The following NKAIN3 variants were observed in gnomAD, a reference collection of about 807,000 sequenced individuals.
NKAIN3 encodes sodium/potassium-transporting ATPase subunit beta-1-interacting protein 3.
Under a neutral mutation model 30.2 loss-of-function variants are expected in NKAIN3, and 25 were observed. That is an observed-to-expected ratio of 0.83 (90% CI 0.60 to 1.16). NKAIN3 has a LOEUF of 1.16. Ranked by LOEUF, NKAIN3 falls within the 50% of genes most tolerant of loss-of-function variation. NKAIN3 has a pLI of 0.00. For missense variants in NKAIN3, 225 were observed against 254.1 expected (o/e 0.89, Z 0.78); for synonymous variants, 91 against 89.6 (o/e 1.02, Z -0.09).
intron 3 of NKAIN3, among the ~76,000 whole-genome samples, chr8:62,734,807 C>T (rs1815596231): frequency 1.3e-5 from 2 of 152,140 alleles, no homozygotes; most frequent in East Asian, 1.9e-4. Flanking sequence ...CTAAGAGTCA[C>T]GTTATCATCT....
intron 1 of NKAIN3, among the ~76,000 whole-genome samples, chr8:62,543,949 A>G (rs1054749182): frequency 2.0e-5 from 3 of 152,292 alleles, no homozygotes; most frequent in Admixed American, 1.3e-4. Context: ...TGTCAAAGAC[A>G]TTATCTAGAG....
At chr8:62,935,481 T>G (rs1488971367) in intron 5 of NKAIN3, among the ~76,000 whole-genome samples, 1 of 152,098 alleles carries the variant, frequency 6.6e-6, no homozygotes, top group Non-Finnish European at 1.5e-5. Flanking sequence ...AACTACAATT[T>G]TTTTTTCCCA....
At chr8:62,335,757 G>T (rs896431644) in intron 1 of NKAIN3, among the ~76,000 whole-genome samples, 8 of 151,934 alleles carry the variant, frequency 5.3e-5, no homozygotes, top group Non-Finnish European at 1.2e-4. Flanking sequence ...GGAAACTATT[G>T]CCCTGGCTCT....
At chr8:62,398,669 T>G (rs1258288973) in intron 1 of NKAIN3, among the ~76,000 whole-genome samples, 1 of 152,244 alleles carries the variant, frequency 6.6e-6, no homozygotes, top group East Asian at 1.9e-4. Context: ...AGCAATAAAC[T>G]GTAGCGTGTT....
chr8:62,814,425 T>C (rs1408063812), intron 4 of NKAIN3, among the ~76,000 whole-genome samples: 1 of 151,944 alleles, frequency 6.6e-6, no homozygotes, highest in African/African-American at 2.4e-5. Flanking sequence ...CAACAGAATA[T>C]ACATTTTTTT....
At chr8:62,469,237 A>C (rs1030714170) in intron 1 of NKAIN3, among the ~76,000 whole-genome samples, 1 of 152,210 alleles carries the variant, frequency 6.6e-6, no homozygotes, top group African/African-American at 2.4e-5. Context: ...ATCTTGAATA[A>C]TAATGGCAAT....
At chr8:62,997,116 T>C (rs896750773) in intron 5 of NKAIN3, among the ~76,000 whole-genome samples, 1 of 152,242 alleles carries the variant, frequency 6.6e-6, no homozygotes, top group Non-Finnish European at 1.5e-5. Flanking sequence ...TCCCTGAGGC[T>C]GTCTTATGAA....
At chr8:62,993,189 A>G (rs1804004471) in intron 5 of NKAIN3, among the ~76,000 whole-genome samples, 1 of 152,182 alleles carries the variant, frequency 6.6e-6, no homozygotes, top group Admixed American at 6.6e-5. Context: ...ACATAATCAT[A>G]GTATCCCACC....
At position 62,808,403 on chromosome 8, in the gene NKAIN3, G is replaced by A. The variant is rs116152108; in HGVS notation, c.471+61274G>A. On this transcript the variant is annotated intron_variant, in intron 4 of 6. Coordinates refer to ENST00000623646, the MANE Select transcript of NKAIN3 (RefSeq NM_001304533.3). ...ATTTTCTTCAGTGCATCATCATCTG[G>A]TGTCTATTGTTGCTGTCTGATGTTA... Among the ~76,000 whole-genome samples the A allele has an allele frequency of 5.3e-3, 812 of 152,196 alleles. 3 individuals carry two copies. Among genetic ancestry groups the A allele is most frequent in the African/African-American group, 0.018 (751 of 41,520 alleles).
intron 4 of NKAIN3, among the ~76,000 whole-genome samples, chr8:62,873,665 T>C (rs548759942): frequency 2.0e-5 from 3 of 151,516 alleles, no homozygotes; most frequent in African/African-American, 7.3e-5. Flanking sequence ...AAATTAGAAC[T>C]CAGGAATAAG....
chr8:62,598,642 C>T (rs1205230083), intron 3 of NKAIN3, among the ~76,000 whole-genome samples: 1 of 151,996 alleles, frequency 6.6e-6, no homozygotes, highest in African/African-American at 2.4e-5. Context: ...CTTAGACCCT[C>T]CCTCTGTGTC....
intron 1 of NKAIN3, among the ~76,000 whole-genome samples, chr8:62,497,443 T>TA (rs397700889): frequency 3.3e-5 from 5 of 151,694 alleles, no homozygotes; most frequent in Non-Finnish European, 7.4e-5. Context: ...TTTTTTTTTT[T>TA]ATCAAGCCCA....
rs975506885 is a variant in NKAIN3 at position 62,475,289 on chromosome 8, A to T, written c.55-104250A>T. 1.3e-4 allele frequency among the ~76,000 whole-genome samples: 20 copies of T among 152,220 alleles called. 1 individual carries two copies. ...CTGACACATGTTAAGTCTTCATGAT[A>T]TTAATTATTACTATCTCTATCTTTG... On this transcript the variant is annotated intron_variant, in intron 1 of 6. Coordinates refer to ENST00000623646, the MANE Select transcript of NKAIN3 (RefSeq NM_001304533.3).
rs117377550 is a variant in NKAIN3, at chr8:62,921,928, C to T, written c.532+3415C>T. 4.5e-4 allele frequency among the ~76,000 whole-genome samples: 69 copies of T among 152,230 alleles called. No homozygotes were observed. The East Asian group carries it at 0.01, about 23-fold the overall frequency. On this transcript the variant is annotated intron_variant, in intron 5 of 6. Coordinates refer to ENST00000623646, the MANE Select transcript of NKAIN3 (RefSeq NM_001304533.3). ...TAGCATTTTACTTGTATCAATACTG[C>T]CAGGCTTTTTCAGAGGGTCTGTTGC...
rs1823703731 is a variant in NKAIN3 at position 62,966,060 on chromosome 8, T to C, written c.*653T>C. The C allele has an allele frequency of 9.2e-6, 9 of 983,570 alleles. No homozygotes were observed. Among genetic ancestry groups the C allele is most frequent in the Non-Finnish European group, 1.1e-5 (9 of 828,290 alleles). 60.9% of individuals were successfully genotyped at this position (983,570 alleles called of 1,614,324 possible). A position where few individuals can be genotyped will look rare whatever the true frequency, so the allele number is the denominator to read the frequency against. On this transcript the variant is annotated 3_prime_UTR_variant, in exon 7 of 7. Coordinates refer to ENST00000623646, the MANE Select transcript of NKAIN3 (RefSeq NM_001304533.3). The stretch of plus-strand genomic sequence containing the variant: ...TGATATATATATATATGTAGGCACA[T>C]GGAAGAGTAAAAGGATTAGTAGAAC...
intron 5 of NKAIN3, among the ~76,000 whole-genome samples, chr8:62,995,828 A>G (rs1047865369): frequency 6.0e-5 from 9 of 150,478 alleles, no homozygotes; most frequent in African/African-American, 2.2e-4. Flanking sequence ...TAGAAACATT[A>G]TAATAGTTTT....
rs1295145167 is a variant in NKAIN3 at position 62,973,479 on chromosome 8, C to G, written c.*8072C>G. ...ATAAATGTCTTCTTTTAAGAAGTGT[C>G]TATTCATATCCTTAACCCACTTTTT... On this transcript the variant is annotated 3_prime_UTR_variant, in exon 7 of 7. Transcript: ENST00000623646. Among the ~76,000 whole-genome samples the G allele has an allele frequency of 6.6e-6, 1 of 152,062 alleles. No homozygotes were observed. Among genetic ancestry groups the G allele is most frequent in the African/African-American group, 2.4e-5 (1 of 41,404 alleles).
chr8:62,895,323 T>C (rs1821399072), intron 4 of NKAIN3, among the ~76,000 whole-genome samples: 1 of 152,210 alleles, frequency 6.6e-6, no homozygotes, highest in South Asian at 2.1e-4. Context: ...CTGCCCTCCT[T>C]CAGCTGCTCA....
chr8:62,596,920 A>G (rs1403126332), intron 3 of NKAIN3, among the ~76,000 whole-genome samples: 1 of 152,124 alleles, frequency 6.6e-6, no homozygotes, highest in Admixed American at 6.6e-5. Flanking sequence ...CCCTTCAAGT[A>G]ATGGAGCCTG....
Sources: gnomAD v4.1 joint callset for allele counts (sites outside exome capture counted in the v4.1 genomes callset) on GRCh38, gnomAD v4.1.1 for gene constraint, MANE v1.5 for transcripts, NCBI Gene and HGNC (gene_info 2026-07-23, HGNC 2026-07-21) for gene names.